HDAC4: variants seen among roughly 807,000 people sequenced by gnomAD.
The protein encoded by HDAC4 is histone deacetylase 4, also known as histone deacetylase A.
Under a neutral mutation model 135.1 loss-of-function variants are expected in HDAC4, and 16 were observed. The observed-to-expected ratio is 0.12, with a 90% CI of 0.08 to 0.18. The LOEUF (loss-of-function observed/expected upper bound fraction) is 0.18, where lower values mean the gene tolerates loss of function less well. Ranked by LOEUF, HDAC4 falls within the 10% of genes least tolerant of loss-of-function variation. HDAC4 has a pLI of 1.00. For missense variants in HDAC4, 1,143 were observed against 1,511.8 expected (o/e 0.76, Z 4.05); for synonymous variants, 685 against 653.4 (o/e 1.05, Z -0.74).
At chr2:239,244,575 T>C (rs1300662105) in intron 2 of HDAC4, among the ~76,000 whole-genome samples, 5 of 152,328 alleles carry the variant, frequency 3.3e-5, no homozygotes, top group African/African-American at 7.2e-5. Context: ...TCTGATGCCC[T>C]TGTTCAATTA....
chr2:239,210,563 G>A (rs1372117402), intron 3 of HDAC4, among the ~76,000 whole-genome samples: 5 of 152,178 alleles, frequency 3.3e-5, no homozygotes, highest in Non-Finnish European at 5.9e-5. Flanking sequence ...TGAGCACAAC[G>A]GCTTGGGGCT....
Position 239,240,411 on chromosome 2 carries a change from T to C in HDAC4, c.23-3747A>G, listed in dbSNP as rs1048443289. Among the ~76,000 whole-genome samples the C allele has an allele frequency of 2.0e-5, 3 of 152,180 alleles. No individual in the cohort carries two copies. The highest frequency in any genetic ancestry group is 2.9e-5 in the Non-Finnish European group (2 of 68,030). On this transcript the variant is annotated intron_variant, in intron 2 of 26. Transcript: ENST00000543185. This position sits in a 1 kb window ranked among gnomAD's most constrained non-coding sequence, Gnocchi z 4.5. ...GAGTGAGTTAAAATGAAATTAGTGA[T>C]GAGAGGTGGAATTTCCATATTTATC...
chr2:239,190,919 G>T, intron 3 of HDAC4: 1 of 467,822 alleles, frequency 2.1e-6, no homozygotes. Context: ...AGCCCGACCT[G>T]CGCACCCCTT....
rs2041211384 is a variant in HDAC4, at chr2:239,139,616, C to T, written c.978+68G>A. 7.3e-7 allele frequency: 1 copy of T among 1,371,646 alleles called. No homozygotes were observed. Among genetic ancestry groups the T allele is most frequent in the African/African-American group, 1.4e-5 (1 of 70,184 alleles). 85.0% of individuals were successfully genotyped at this position (1,371,646 alleles called of 1,614,324 possible). On this transcript the variant is annotated intron_variant, in intron 9 of 26. Transcript: ENST00000543185. The surrounding 1 kb of genome is among the most constrained non-coding windows in gnomAD (Gnocchi z 5.3). The stretch of plus-strand genomic sequence containing the variant: ...GTGAAGGGCAAGTGCAAAGTGGGGT[C>T]ATTTCAAGCTCATCCGTCCCGAGTC...
intron 22 of HDAC4, among the ~76,000 whole-genome samples, chr2:239,080,551 A>G (rs980014903): frequency 4.6e-5 from 7 of 151,316 alleles, no homozygotes; most frequent in African/African-American, 1.7e-4. Context: ...CCAAAGGAGA[A>G]GGAACCGCTT....
intron 8 of HDAC4, among the ~76,000 whole-genome samples, chr2:239,143,570 A>G (rs2041549227): frequency 6.6e-6 from 1 of 152,190 alleles, no homozygotes; most frequent in Non-Finnish European, 1.5e-5. Flanking sequence ...GAAATCCACA[A>G]ATATTCAGAC....
chr2:239,080,598 G>A (rs931067965), intron 22 of HDAC4, among the ~76,000 whole-genome samples: 8 of 136,694 alleles, frequency 5.9e-5, no homozygotes, highest in African/African-American at 1.9e-4. Context: ...TAAACGGCGC[G>A]CCCTGCGGCT....
At chr2:239,165,068 C>CA (rs2152974746) in intron 5 of HDAC4, among the ~76,000 whole-genome samples, 1 of 152,142 alleles carries the variant, frequency 6.6e-6, no homozygotes, top group Admixed American at 6.5e-5. Flanking sequence ...ACTAAAAATA[C>CA]AAAAATTAGC....
chr2:239,097,157 C>T (rs978794492), intron 16 of HDAC4, among the ~76,000 whole-genome samples: 8 of 152,354 alleles, frequency 5.3e-5, no homozygotes, highest in African/African-American at 1.9e-4. Flanking sequence ...GGAGGGAGCC[C>T]GCGCTCCTCT....
At position 239,400,480 on chromosome 2, in the gene HDAC4, T is replaced by G. The variant is rs1696896774; in HGVS notation, c.-220+498A>C. The stretch of plus-strand genomic sequence containing the variant: ...GGGCGAAGCCGCCTCGCGGCGCGGG[T>G]GGAAAGGTCCAGAAGGGGCCGGGCG... On this transcript the variant is annotated intron_variant, in intron 1 of 26. Coordinates refer to ENST00000543185, the MANE Select transcript of HDAC4 (RefSeq NM_001378414.1). The surrounding 1 kb of genome is among the most constrained non-coding windows in gnomAD (Gnocchi z 4.7). 7.0e-6 allele frequency: 1 copy of G among 143,780 alleles called. No individual in the cohort carries two copies. The highest frequency in any genetic ancestry group is 2.5e-5 in the African/African-American group (1 of 39,834). 8.9% of individuals were successfully genotyped at this position (143,780 alleles called of 1,614,324 possible). A position where few individuals can be genotyped will look rare whatever the true frequency, so the allele number is the denominator to read the frequency against.
chr2:239,116,799 C>A (rs1223022027), intron 12 of HDAC4, among the ~76,000 whole-genome samples: 1 of 152,210 alleles, frequency 6.6e-6, no homozygotes, highest in East Asian at 1.9e-4. Context: ...ATGCCACACT[C>A]GCCTCCAGCC....
At chr2:239,355,902 C>T (rs1693461846) in intron 1 of HDAC4, among the ~76,000 whole-genome samples, 1 of 152,186 alleles carries the variant, frequency 6.6e-6, no homozygotes. Context: ...AAGGTTTCAC[C>T]TAACATAGTG....
chr2:239,256,466 G>T (rs2049058014), intron 2 of HDAC4, among the ~76,000 whole-genome samples: 1 of 152,266 alleles, frequency 6.6e-6, no homozygotes. Flanking sequence ...CCAGAGCACT[G>T]ACCCAGCGCC....
intron 2 of HDAC4, among the ~76,000 whole-genome samples, chr2:239,251,586 A>G (rs1235242527): frequency 6.6e-6 from 1 of 152,130 alleles, no homozygotes; most frequent in Non-Finnish European, 1.5e-5. Context: ...AAAATAAAAA[A>G]TAAAAACAAA....
chr2:239,082,333 G>A (rs1223439974), intron 20 of HDAC4, 112 bp from the exon 21 acceptor site: 1 of 1,382,706 alleles, frequency 7.2e-7, no homozygotes, highest in South Asian at 1.2e-5. Flanking sequence ...TCCTGCTCAG[G>A]AATGACATTA....
chr2:239,105,140 G>A lies in HDAC4; in HGVS notation c.2113-2244C>T, dbSNP rs576311696. Among the ~76,000 whole-genome samples, 19 of 152,364 alleles carry A rather than the reference G, an allele frequency of 1.2e-4. No homozygotes were observed. In the East Asian group the frequency reaches 2.1e-3, roughly 17 times the overall value. Reference sequence around the variant, plus strand: ...CCTGCTTTCTTGGGAGGCTGACCTCGTTATTTCTGTCTCCCTTTAATTCCT... The same window carrying A: ...CCTGCTTTCTTGGGAGGCTGACCTCATTATTTCTGTCTCCCTTTAATTCCT... On this transcript the variant is annotated intron_variant, in intron 15 of 26. Transcript: ENST00000543185.
In HDAC4 at chr2:239,333,266, TA is replaced by T. The variant is rs373550701; in HGVS notation, c.22+19411del. 7.6e-4 allele frequency among the ~76,000 whole-genome samples: 115 copies of T among 150,752 alleles called. 1 individual carries two copies. The highest frequency in any genetic ancestry group is 2.6e-3 in the African/African-American group (108 of 41,024). On this transcript the variant is annotated intron_variant, in intron 2 of 26. Transcript: ENST00000543185. Reference sequence around the variant, plus strand: ...ATGGGATTTTACATTAAGTGGTTGGTAAAAAAAAGAAGAAAGAAAAGAAAAA... The same window carrying T: ...ATGGGATTTTACATTAAGTGGTTGGTAAAAAAAGAAGAAAGAAAAGAAAAA...
chr2:239,188,976 G>A (rs541189567), intron 4 of HDAC4, among the ~76,000 whole-genome samples: 179 of 152,362 alleles, frequency 1.2e-3, no homozygotes, highest in Non-Finnish European at 1.7e-3. Flanking sequence ...CCCCATCAGC[G>A]AAGCTGCTCC....
At chr2:239,089,762 G>C in intron 18 of HDAC4, 2 of 359,186 alleles carry the variant, frequency 5.6e-6, no homozygotes, top group Non-Finnish European at 1.0e-5. Flanking sequence ...AAATTTTTAA[G>C]AGTATAAAGG....
Sources: allele counts gnomAD v4.1 joint callset (sites outside exome capture counted in the v4.1 genomes callset), GRCh38; gene constraint gnomAD v4.1.1; non-coding constraint Gnocchi (gnomAD v3.1); transcripts MANE v1.5; gene names NCBI Gene and HGNC (gene_info 2026-07-23, HGNC 2026-07-21).